Variants in SPATA1 observed in about 807,000 individuals in gnomAD.
SPATA1 encodes the protein spermatogenesis associated 1, also known as spermatogenesis-associated protein 1.
SPATA1 carries 57 observed loss-of-function variants against 59.6 expected under a neutral mutation model. The ratio of observed to expected loss-of-function variants is 0.96; its 90% CI spans 0.77 to 1.19. The LOEUF (loss-of-function observed/expected upper bound fraction) is 1.19, where lower values mean the gene tolerates loss of function less well. Among genes scored for constraint, SPATA1 ranks in the 50% most tolerant of loss-of-function variants. The pLI is 0.00. For synonymous variants in SPATA1, 147 were observed against 163.9 expected (o/e 0.90, Z 0.79); for missense variants, 448 against 480.7 (o/e 0.93, Z 0.64).
intron 12 of SPATA1, chr1:84,551,261 A>G: frequency 1.0e-6 from 1 of 984,590 alleles, no homozygotes; most frequent in Non-Finnish European, 1.2e-6. Flanking sequence ...TTTATCAGAA[A>G]CAGCTTTATG....
At chr1:84,556,937 G>A (rs1163232500), downstream of SPATA1, among the ~76,000 whole-genome samples, 1 of 152,110 alleles carries the variant, frequency 6.6e-6, no homozygotes, top group African/African-American at 2.4e-5. Flanking sequence ...ACTTAAATAT[G>A]ACAGATTATT....
downstream of SPATA1, among the ~76,000 whole-genome samples, chr1:84,558,132 T>G (rs1392920765): frequency 6.6e-6 from 1 of 152,088 alleles, no homozygotes; most frequent in African/African-American, 2.4e-5. Flanking sequence ...ATGTTGAAAA[T>G]TCCTAAGAGA....
At chr1:84,531,449 C>T (rs185553073) in intron 6 of SPATA1, among the ~76,000 whole-genome samples, 14 of 152,150 alleles carry the variant, frequency 9.2e-5, no homozygotes, top group South Asian at 2.1e-4. Flanking sequence ...AGACATGAGC[C>T]GCCATACCCA....
intron 6 of SPATA1, among the ~76,000 whole-genome samples, chr1:84,528,532 A>T (rs549885960): frequency 3.3e-5 from 5 of 152,324 alleles, no homozygotes; most frequent in Non-Finnish European, 7.4e-5. Context: ...GTAAGAGTCA[A>T]CCATACCTAT....
At position 84,516,214 on chromosome 1, in the gene SPATA1, A is replaced by G; in HGVS notation, c.-137-9A>G. The G allele has an allele frequency of 1.6e-6, 1 of 606,120 alleles. No individual in the cohort carries two copies. Among genetic ancestry groups the G allele is most frequent in the Non-Finnish European group, 2.7e-6 (1 of 369,544 alleles). 37.5% of individuals were successfully genotyped at this position (606,120 alleles called of 1,614,324 possible). On this transcript the variant is annotated splice_polypyrimidine_tract_variant and intron_variant, in intron 1 of 12. Coordinates refer to ENST00000490879, the Ensembl canonical transcript of SPATA1. ...TTGTGTTTTCCTTTTTATTTCTTGA[A>G]CAAATCAGAGACCAGAAATGAGTGG...
intron 8 of SPATA1, among the ~76,000 whole-genome samples, chr1:84,539,296 T>A (rs1239484831): frequency 6.6e-6 from 1 of 152,214 alleles, no homozygotes; most frequent in Non-Finnish European, 1.5e-5. Context: ...GTTTCCAAAT[T>A]TTACCTATTA....
chr1:84,521,315 G>GT (rs1683016749), intron 3 of SPATA1, among the ~76,000 whole-genome samples: 2 of 152,146 alleles, frequency 1.3e-5, no homozygotes, highest in Admixed American at 6.5e-5. Context: ...TATGTATGTA[G>GT]ATGTGTATTT....
intron 4 of SPATA1, 50 bp from the exon 14 acceptor site, chr1:84,565,811 A>T (rs1044345228): frequency 1.6e-6 from 2 of 1,219,844 alleles, no homozygotes; most frequent in Non-Finnish European, 2.2e-6. Context: ...TATTAATATT[A>T]TTAATAAATG....
intron 2 of SPATA1, among the ~76,000 whole-genome samples, chr1:84,519,933 T>G (rs986485873): frequency 1.3e-5 from 2 of 152,182 alleles, no homozygotes; most frequent in Admixed American, 6.6e-5. Context: ...TTGCAATCAT[T>G]GTTTCTGTTG....
At chr1:84,541,053 CT>C (rs1240743773) in intron 8 of SPATA1, among the ~76,000 whole-genome samples, 1 of 152,194 alleles carries the variant, frequency 6.6e-6, no homozygotes, top group Admixed American at 6.5e-5. Flanking sequence ...CTACTGATGT[CT>C]TGCTTTATAT....
chr1:84,519,691 C>T (rs774477035), intron 2 of SPATA1, among the ~76,000 whole-genome samples: 1 of 152,016 alleles, frequency 6.6e-6, no homozygotes, highest in African/African-American at 2.4e-5. Flanking sequence ...TAATCATCAT[C>T]AAAAGCATAG....
intron 4 of SPATA1, among the ~76,000 whole-genome samples, chr1:84,565,275 C>A (rs1684669448): frequency 6.6e-6 from 1 of 151,626 alleles, no homozygotes; most frequent in South Asian, 2.1e-4. Context: ...ACAAACCAAT[C>A]CAAACTTTGA....
chr1:84,506,554 G>A (rs1270781701), intron 1 of SPATA1, 136 bp downstream of exon 1: 1 of 154,294 alleles, frequency 6.5e-6, no homozygotes, highest in Non-Finnish European at 1.4e-5. Flanking sequence ...TTTCCTCCCA[G>A]TTTGTGGGAA....
intron 8 of SPATA1, 37 bp from the exon 9 acceptor site, chr1:84,544,165 T>C (rs201817064): frequency 1.5e-6 from 2 of 1,311,226 alleles, no homozygotes; most frequent in South Asian, 1.3e-5. Context: ...AATGTGACAG[T>C]GTAGCCGATC....
chr1:84,515,682 G>A (rs1682766036), intron 1 of SPATA1, among the ~76,000 whole-genome samples: 1 of 151,948 alleles, frequency 6.6e-6, no homozygotes, highest in Non-Finnish European at 1.5e-5. Context: ...CATAAATCCT[G>A]AGGAAAAACA....
At chr1:84,521,063 A>G (rs1683001024) in intron 3 of SPATA1, among the ~76,000 whole-genome samples, 1 of 152,074 alleles carries the variant, frequency 6.6e-6, no homozygotes, top group Non-Finnish European at 1.5e-5. Context: ...GTGAGCCATG[A>G]TTGCAGCACT....
intron 6 of SPATA1, 81 bp downstream of exon 6, chr1:84,526,154 C>CA: frequency 8.9e-7 from 1 of 1,125,468 alleles, no homozygotes; most frequent in Non-Finnish European, 1.3e-6. Context: ...AAACCCTGAG[C>CA]AAACCTAGCC....
At chr1:84,512,814 T>TA (rs1682631027) in intron 1 of SPATA1, among the ~76,000 whole-genome samples, 1 of 152,224 alleles carries the variant, frequency 6.6e-6, no homozygotes, top group Non-Finnish European at 1.5e-5. Flanking sequence ...CACTTTTAGA[T>TA]AGTCAGTACC....
chr1:84,525,651 A>T, intron 4 of SPATA1, 45 bp from the exon 5 acceptor site: 1 of 1,522,294 alleles, frequency 6.6e-7, no homozygotes, highest in Middle Eastern at 2.1e-4. Context: ...TAATTGAAAA[A>T]AATGTAGCAA....
Sources: allele counts gnomAD v4.1 joint callset (sites outside exome capture counted in the v4.1 genomes callset), GRCh38; gene constraint gnomAD v4.1.1; transcripts MANE v1.5; gene names NCBI Gene and HGNC (gene_info 2026-07-23, HGNC 2026-07-21).